C2orf66: variants seen among roughly 807,000 people sequenced by gnomAD.
The protein encoded by C2orf66 is chromosome 2 open reading frame 66.
C2orf66 carries 6 observed loss-of-function variants against 7.0 expected under a neutral mutation model. That is an observed-to-expected ratio of 0.86 (90% confidence interval 0.47 to 1.69). C2orf66 has a LOEUF of 1.69. Ranked by LOEUF, C2orf66 falls within the 40% of genes most tolerant of loss-of-function variation. The pLI, the probability that C2orf66 is intolerant of heterozygous loss-of-function variation, is 0.01. For missense variants in C2orf66, 107 were observed against 112.0 expected (o/e 0.96, Z 0.20); for synonymous variants, 38 against 43.8 (o/e 0.87, Z 0.52).
the C2orf66 span, among the ~76,000 whole-genome samples, chr2:196,822,877 G>A: frequency 2.0e-5 from 3 of 152,074 alleles, no homozygotes; most frequent in African/African-American, 7.2e-5. Context: ...ACCAAGGACA[G>A]TTTTATAACT....
the C2orf66 span, among the ~76,000 whole-genome samples, chr2:196,821,689 A>T: frequency 6.6e-6 from 1 of 152,174 alleles, no homozygotes; most frequent in African/African-American, 2.4e-5. Context: ...TTTTGTATTG[A>T]ACCACATTTT....
intron 2 of C2orf66, among the ~76,000 whole-genome samples, chr2:196,806,162 A>G (rs1168374353): frequency 6.6e-6 from 1 of 152,158 alleles, no homozygotes; most frequent in Non-Finnish European, 1.5e-5. Context: ...AAGCTAATGG[A>G]TTGAAATCAT....
the C2orf66 span, among the ~76,000 whole-genome samples, chr2:196,825,549 A>T: frequency 6.6e-6 from 1 of 152,196 alleles, no homozygotes; most frequent in Admixed American, 6.5e-5. Context: ...ATCATGTTGT[A>T]CAGCTTAAAA....
At chr2:196,806,066 C>A (rs1339751648) in intron 2 of C2orf66, among the ~76,000 whole-genome samples, 1 of 152,146 alleles carries the variant, frequency 6.6e-6, no homozygotes, top group Non-Finnish European at 1.5e-5. Flanking sequence ...AGGCATGCTT[C>A]CTCAGAATTT....
At chr2:196,818,633 G>T in the C2orf66 span, among the ~76,000 whole-genome samples, 1 of 152,188 alleles carries the variant, frequency 6.6e-6, no homozygotes, top group Non-Finnish European at 1.5e-5. Flanking sequence ...GCAAAAGCCA[G>T]CTGGGAGAAA....
the C2orf66 span, among the ~76,000 whole-genome samples, chr2:196,828,572 A>G: frequency 2.0e-5 from 3 of 152,198 alleles, no homozygotes; most frequent in Non-Finnish European, 4.4e-5. Context: ...CTTACATAAT[A>G]CAAATGATTT....
the C2orf66 span, among the ~76,000 whole-genome samples, chr2:196,818,188 A>G: frequency 2.6e-5 from 4 of 152,164 alleles, no homozygotes; most frequent in African/African-American, 9.7e-5. Flanking sequence ...GGGGTCCCTG[A>G]CTTCCTGCGA....
upstream of C2orf66, among the ~76,000 whole-genome samples, chr2:196,812,107 A>G (rs1699882255): frequency 6.6e-6 from 1 of 152,208 alleles, no homozygotes; most frequent in Admixed American, 6.5e-5. Flanking sequence ...AGTAGAGTCA[A>G]GGAAAAGTGT....
At chr2:196,811,135 G>A (rs1196393619), upstream of C2orf66, among the ~76,000 whole-genome samples, 1 of 152,188 alleles carries the variant, frequency 6.6e-6, no homozygotes, top group African/African-American at 2.4e-5. Flanking sequence ...CTAGGAATGG[G>A]GCACTTTAAA....
chr2:196,806,170 C>A (rs1647547528), intron 2 of C2orf66, among the ~76,000 whole-genome samples: 1 of 152,090 alleles, frequency 6.6e-6, no homozygotes, highest in Admixed American at 6.5e-5. Flanking sequence ...GGATTGAAAT[C>A]ATAATGTATT....
At chr2:196,828,078 C>A in the C2orf66 span, among the ~76,000 whole-genome samples, 1 of 152,098 alleles carries the variant, frequency 6.6e-6, no homozygotes, top group Non-Finnish European at 1.5e-5. Flanking sequence ...GAAATTACAT[C>A]TATTAAGCAC....
At chr2:196,817,588 A>C in the C2orf66 span, among the ~76,000 whole-genome samples, 1 of 152,024 alleles carries the variant, frequency 6.6e-6, no homozygotes, top group Non-Finnish European at 1.5e-5. Flanking sequence ...GTTTGAGAGC[A>C]GAGAACCGGT....
upstream of C2orf66, among the ~76,000 whole-genome samples, chr2:196,810,687 C>T (rs556985756): frequency 6.6e-6 from 1 of 152,252 alleles, no homozygotes; most frequent in Non-Finnish European, 1.5e-5. Flanking sequence ...AATTAGCAAA[C>T]CTGGCTATAG....
chr2:196,808,871 G>A (rs998646937), intron 1 of C2orf66, among the ~76,000 whole-genome samples: 3 of 152,168 alleles, frequency 2.0e-5, no homozygotes, highest in African/African-American at 7.2e-5. Context: ...CTATGCACGA[G>A]CAATTCCCTG....
the C2orf66 span, among the ~76,000 whole-genome samples, chr2:196,825,397 A>G: frequency 6.6e-6 from 1 of 152,222 alleles, no homozygotes; most frequent in East Asian, 1.9e-4. Context: ...ATAGTTAATA[A>G]TACTATATTG....
chr2:196,817,038 C>T, the C2orf66 span, among the ~76,000 whole-genome samples: 1 of 151,986 alleles, frequency 6.6e-6, no homozygotes, highest in African/African-American at 2.4e-5. Flanking sequence ...GGTGCAAGAA[C>T]AGGGAGTAGG....
chr2:196,823,068 G>C, the C2orf66 span, among the ~76,000 whole-genome samples: 2 of 151,934 alleles, frequency 1.3e-5, no homozygotes, highest in South Asian at 2.1e-4. Context: ...GGATAGAAGG[G>C]AAGTGAGTGA....
chr2:196,821,432 T>C, the C2orf66 span, among the ~76,000 whole-genome samples: 3 of 152,250 alleles, frequency 2.0e-5, no homozygotes, highest in Non-Finnish European at 2.9e-5. Context: ...TAGGTTCTAC[T>C]AAACACACTA....
upstream of C2orf66, chr2:196,810,371 C>T (rs1290930930): frequency 1.3e-5 from 2 of 152,152 alleles, no homozygotes; most frequent in Non-Finnish European, 2.9e-5. Context: ...TTGTGAGAGA[C>T]AAAATTACTC....
Sources: allele counts gnomAD v4.1 joint callset (sites outside exome capture counted in the v4.1 genomes callset), GRCh38; gene constraint gnomAD v4.1.1; transcripts MANE v1.5; gene names NCBI Gene and HGNC (gene_info 2026-07-23, HGNC 2026-07-21).